RASSF3: variants seen among roughly 807,000 people sequenced by gnomAD.
The protein encoded by RASSF3 is ras association domain-containing protein 3.
In RASSF3, 19 loss-of-function variants were observed where a neutral mutation model predicts 19.9. That is an observed-to-expected ratio of 0.96 (90% CI 0.67 to 1.40). The LOEUF is 1.40. Among genes scored for constraint, RASSF3 ranks in the 40% most tolerant of loss-of-function variants. The pLI, the probability that RASSF3 is intolerant of heterozygous loss-of-function variation, is 0.00. For synonymous variants in RASSF3, 110 were observed against 104.2 expected (o/e 1.06, Z -0.34); for missense variants, 306 against 289.8 (o/e 1.06, Z -0.41).
At chr12:64,567,154 C>T (rs1007062255) in intron 2 of RASSF3, among the ~76,000 whole-genome samples, 14 of 152,200 alleles carry the variant, frequency 9.2e-5, no homozygotes, top group African/African-American at 2.9e-4. Flanking sequence ...GAGACAAAGG[C>T]GTGGGTGACC....
intron 4 of RASSF3, 117 bp from the exon 5 acceptor site, chr12:64,694,646 C>T: frequency 8.8e-7 from 1 of 1,135,432 alleles, no homozygotes; most frequent in Non-Finnish European, 1.3e-6. Flanking sequence ...ACCACACCTT[C>T]TGCGGCATGG....
upstream of RASSF3, among the ~76,000 whole-genome samples, chr12:64,607,118 C>CA (rs1388729603): frequency 6.6e-6 from 1 of 150,564 alleles, no homozygotes; most frequent in East Asian, 2.0e-4. Flanking sequence ...CTTGTCTCTA[C>CA]AAAAAAAATA....
At position 64,695,349 on chromosome 12, in the gene RASSF3, G is replaced by A. The variant is rs1565874576; in HGVS notation, c.*437G>A. ...CCTGTCTGGTTTTTTGTTTGGTTTT[G>A]TTTTCTTTTTTTAATGTCAGAGGAA... On this transcript the variant is annotated 3_prime_UTR_variant, in exon 5 of 5. Transcript: ENST00000542104. 6.5e-6 allele frequency: 1 copy of A among 153,632 alleles called. No homozygotes were observed. Among genetic ancestry groups the A allele is most frequent in the Admixed American group, 6.5e-5 (1 of 15,352 alleles). 9.5% of individuals were successfully genotyped at this position (153,632 alleles called of 1,614,324 possible).
intron 1 of RASSF3, among the ~76,000 whole-genome samples, chr12:64,642,088 G>A (rs994455557): frequency 3.9e-5 from 6 of 151,968 alleles, no homozygotes; most frequent in Admixed American, 3.9e-4. Flanking sequence ...ATAATTATTT[G>A]TTGCAAATTA....
chr12:64,565,884 G>C (rs56078127), intron 2 of RASSF3, among the ~76,000 whole-genome samples: 5 of 126,608 alleles, frequency 3.9e-5, no homozygotes, highest in African/African-American at 9.1e-5. Context: ...CTTCGTCTCA[G>C]AAAAAAAAAA....
At chr12:64,677,381 A>G (rs1190249625) in intron 1 of RASSF3, among the ~76,000 whole-genome samples, 5 of 152,130 alleles carry the variant, frequency 3.3e-5, no homozygotes, top group Non-Finnish European at 7.3e-5. Context: ...ACCTCTGCCT[A>G]CTTTATTATT....
chr12:64,547,270 TAAAAA>T (rs79967837), intron 2 of RASSF3, among the ~76,000 whole-genome samples: 1 of 127,494 alleles, frequency 7.8e-6, no homozygotes. Context: ...AGACTTGATC[TAAAAA>T]AAAAAAAAAA....
intron 2 of RASSF3, among the ~76,000 whole-genome samples, chr12:64,572,311 G>A (rs1208056586): frequency 6.6e-6 from 1 of 152,160 alleles, no homozygotes; most frequent in Non-Finnish European, 1.5e-5. Context: ...GCCCTTGTAA[G>A]ATGAGACACC....
chr12:64,626,506 GAAAA>G (rs891394836), intron 1 of RASSF3, among the ~76,000 whole-genome samples: 1 of 136,126 alleles, frequency 7.3e-6, no homozygotes, highest in Admixed American at 7.2e-5. Context: ...AAAAAAAAAA[GAAAA>G]AAAAAGAAAA....
At chr12:64,538,043 C>T (rs1868865019) in intron 1 of RASSF3, among the ~76,000 whole-genome samples, 1 of 151,674 alleles carries the variant, frequency 6.6e-6, no homozygotes, top group African/African-American at 2.4e-5. Context: ...GGCTGGAGTA[C>T]AGTGGCATAA....
At chr12:64,663,693 A>T (rs1425405124) in intron 1 of RASSF3, among the ~76,000 whole-genome samples, 1 of 151,920 alleles carries the variant, frequency 6.6e-6, no homozygotes, top group African/African-American at 2.4e-5. Flanking sequence ...TTTACTAGAG[A>T]TGGGGTTTCA....
At chr12:64,530,150 A>G (rs1172967972), upstream of RASSF3, among the ~76,000 whole-genome samples, 2 of 152,108 alleles carry the variant, frequency 1.3e-5, no homozygotes, top group South Asian at 2.1e-4. Context: ...GCTTTCTGTC[A>G]TTATAGATTA....
intron 2 of RASSF3, among the ~76,000 whole-genome samples, chr12:64,546,802 C>T (rs1050971799): frequency 6.6e-6 from 1 of 152,154 alleles, no homozygotes; most frequent in African/African-American, 2.4e-5. Context: ...TTATAATCCC[C>T]AGTGTTGTTG....
intron 1 of RASSF3, among the ~76,000 whole-genome samples, chr12:64,525,245 C>T (rs1868560547): frequency 6.6e-6 from 1 of 152,092 alleles, no homozygotes; most frequent in African/African-American, 2.4e-5. Flanking sequence ...CATTGTACTC[C>T]ATCTGGGCGA....
At position 64,696,651 on chromosome 12, in the gene RASSF3, G is replaced by A. The variant is rs1461165248; in HGVS notation, c.*1739G>A. ...CTCTTGGTGGCTCTTCTGACTTTTT[G>A]GAGAATACCCATCTTGTTGGAGGCA... On this transcript the variant is annotated 3_prime_UTR_variant, in exon 5 of 5. Coordinates refer to ENST00000542104, the MANE Select transcript of RASSF3 (RefSeq NM_178169.4). The A allele has an allele frequency of 6.6e-6, 1 of 151,880 alleles. No individual in the cohort carries two copies. The highest frequency in any genetic ancestry group is 1.5e-5 in the Non-Finnish European group (1 of 67,986). 9.4% of individuals were successfully genotyped at this position (151,880 alleles called of 1,614,324 possible). A position where few individuals can be genotyped will look rare whatever the true frequency, so the allele number is the denominator to read the frequency against.
At chr12:64,522,131 G>C (rs1868490772) in intron 1 of RASSF3, among the ~76,000 whole-genome samples, 1 of 152,208 alleles carries the variant, frequency 6.6e-6, no homozygotes, top group Non-Finnish European at 1.5e-5. Flanking sequence ...TGTTTTCTAT[G>C]ACATGGTTTT....
At chr12:64,585,674 G>A (rs1404645003) in intron 2 of RASSF3, among the ~76,000 whole-genome samples, 1 of 148,650 alleles carries the variant, frequency 6.7e-6, no homozygotes, top group East Asian at 2.0e-4. Context: ...GCATAATCAC[G>A]GCTCATTCCA....
At chr12:64,666,682 C>T (rs540632521) in intron 1 of RASSF3, among the ~76,000 whole-genome samples, 7 of 152,158 alleles carry the variant, frequency 4.6e-5, no homozygotes, top group Non-Finnish European at 1.0e-4. Flanking sequence ...GGAACCTTCC[C>T]AAGGTGTTTC....
rs1868329262 is a variant in RASSF3, at chr12:64,694,700, A to G, written c.568-63A>G. ...GCCGCACCTCTGGGAGCTCCTGGTC[A>G]GCATTCCTAAGTCTAACTGAGTATT... On this transcript the variant is annotated intron_variant, in intron 4 of 4. Coordinates refer to ENST00000542104, the MANE Select transcript of RASSF3 (RefSeq NM_178169.4). 7 of 1,579,814 alleles carry G rather than the reference A, an allele frequency of 4.4e-6. No individual in the cohort carries two copies. In the South Asian group the frequency reaches 7.8e-5, roughly 18 times the overall value.
Sources: gnomAD v4.1 joint callset for allele counts (sites outside exome capture counted in the v4.1 genomes callset) on GRCh38, gnomAD v4.1.1 for gene constraint, MANE v1.5 for transcripts, NCBI Gene and HGNC (gene_info 2026-07-23, HGNC 2026-07-21) for gene names.